The following GRIA1 variants were observed in gnomAD, a reference collection of about 807,000 sequenced individuals.
The protein encoded by GRIA1 is glutamate receptor 1.
GRIA1 carries 31 observed loss-of-function variants against 99.2 expected under a neutral mutation model. The observed-to-expected ratio is 0.31, with a 90% CI of 0.23 to 0.42. The LOEUF is 0.42. GRIA1 is among the 10% of genes least tolerant of loss of function. The pLI is 1.00. For synonymous variants in GRIA1, 438 were observed against 432.4 expected (o/e 1.01, Z -0.16); for missense variants, 782 against 1,157.5 (o/e 0.68, Z 4.71).
intron 8 of GRIA1, among the ~76,000 whole-genome samples, chr5:153,689,359 T>G (rs1276492314): frequency 2.0e-5 from 3 of 152,214 alleles, no homozygotes; most frequent in Admixed American, 6.5e-5. Flanking sequence ...CAGAATGGCC[T>G]TTTGCTCTCA....
At chr5:153,693,771 T>C (rs1379503922) in intron 8 of GRIA1, among the ~76,000 whole-genome samples, 1 of 152,266 alleles carries the variant, frequency 6.6e-6, no homozygotes, top group Non-Finnish European at 1.5e-5. Flanking sequence ...CTAACTCTGA[T>C]TTACTTTTAG....
intron 2 of GRIA1, chr5:153,557,740 C>A (rs936681914): frequency 1.3e-5 from 2 of 152,122 alleles, no homozygotes; most frequent in African/African-American, 2.4e-5. Flanking sequence ...CATGCATTAG[C>A]CTAGGCCTAC....
chr5:153,601,740 G>C (rs1207504495), intron 2 of GRIA1, among the ~76,000 whole-genome samples: 1 of 152,218 alleles, frequency 6.6e-6, no homozygotes, highest in African/African-American at 2.4e-5. Context: ...ATTTCAGGCA[G>C]GTTCCTTAGA....
chr5:153,690,449 GGT>G, intron 8 of GRIA1, among the ~76,000 whole-genome samples: 1 of 152,028 alleles, frequency 6.6e-6, no homozygotes, highest in Non-Finnish European at 1.5e-5. Flanking sequence ...CTAAAAGGGT[GGT>G]AATACTCTTT....
chr5:153,659,064 C>T (rs1755168960), intron 5 of GRIA1, among the ~76,000 whole-genome samples: 1 of 152,102 alleles, frequency 6.6e-6, no homozygotes, highest in South Asian at 2.1e-4. Flanking sequence ...GGACAACTCT[C>T]CAATCCTCAG....
At chr5:153,576,926 T>TTGGATGGA (rs574916178) in intron 2 of GRIA1, among the ~76,000 whole-genome samples, 208 of 129,552 alleles carry the variant, frequency 1.6e-3, no homozygotes, top group Middle Eastern at 4.1e-3. Context: ...TCAATAAATA[T>TTGGATGGA]TGGATGGATG....
intron 2 of GRIA1, among the ~76,000 whole-genome samples, chr5:153,594,233 T>G (rs976110926): frequency 6.6e-6 from 1 of 152,328 alleles, no homozygotes; most frequent in Middle Eastern, 3.4e-3. Flanking sequence ...AAAGACATTC[T>G]GTAAGCTTTT....
At chr5:153,692,075 T>C (rs1400768193) in intron 8 of GRIA1, among the ~76,000 whole-genome samples, 1 of 152,156 alleles carries the variant, frequency 6.6e-6, no homozygotes, top group African/African-American at 2.4e-5. Context: ...CCTCGCACTT[T>C]CCTCAAGTCA....
Position 153,510,614 on chromosome 5 carries a change from T to C in GRIA1, c.220+16549T>C, listed in dbSNP as rs140656449. On this transcript the variant is annotated intron_variant, in intron 2 of 15. Transcript: ENST00000285900. ...GCTCTGCAAGATACATTTGGAAAAA[T>C]AGGCTGGGTTCAGACTAGAGAAGGC... 2.7e-3 allele frequency among the ~76,000 whole-genome samples: 416 copies of C among 152,178 alleles called. 2 individuals are homozygous for C. Among genetic ancestry groups the C allele is most frequent in the African/African-American group, 9.5e-3 (393 of 41,522 alleles).
chr5:153,511,295 T>TGTATGTAGA (rs1349235765), intron 2 of GRIA1, among the ~76,000 whole-genome samples: 3 of 152,160 alleles, frequency 2.0e-5, no homozygotes, highest in African/African-American at 7.2e-5. Context: ...GCTGAATCAT[T>TGTATGTAGA]GTATGTAGAG....
Position 153,615,572 on chromosome 5 carries a change from C to T in GRIA1, c.221-31356C>T, listed in dbSNP as rs190329055. 4.6e-5 allele frequency among the ~76,000 whole-genome samples: 7 copies of T among 152,236 alleles called. No homozygotes were observed. In the East Asian group the frequency reaches 7.7e-4, roughly 17 times the overall value. On this transcript the variant is annotated intron_variant, in intron 2 of 15. Transcript: ENST00000285900. Reference sequence around the variant, plus strand: ...GGCAGGAGGATCACTTGAGCCCAGGCGGTCGAGGCTGCAGTGAGCTATGAT... The same window carrying T: ...GGCAGGAGGATCACTTGAGCCCAGGTGGTCGAGGCTGCAGTGAGCTATGAT...
intron 12 of GRIA1, among the ~76,000 whole-genome samples, chr5:153,766,529 C>A (rs559044110): frequency 1.3e-5 from 2 of 152,288 alleles, no homozygotes; most frequent in East Asian, 3.9e-4. Context: ...GTATTTGTGG[C>A]AGCCACTTTG....
chr5:153,706,101 G>A, intron 11 of GRIA1, 34 bp downstream of exon 11: 1 of 1,246,738 alleles, frequency 8.0e-7, no homozygotes, highest in South Asian at 1.4e-5. Context: ...TTTGCCTAAT[G>A]CTATGGTTTT....
intron 7 of GRIA1, among the ~76,000 whole-genome samples, chr5:153,679,078 C>T (rs533907432): frequency 6.6e-6 from 1 of 152,318 alleles, no homozygotes; most frequent in Admixed American, 6.5e-5. Context: ...TTTCCATAGT[C>T]AAAAGAACAA....
intron 2 of GRIA1, among the ~76,000 whole-genome samples, chr5:153,599,295 C>G (rs1764688800): frequency 6.6e-6 from 1 of 152,218 alleles, no homozygotes; most frequent in African/African-American, 2.4e-5. Flanking sequence ...AGAAAGTTTA[C>G]TGAGCATCTT....
intron 2 of GRIA1, among the ~76,000 whole-genome samples, chr5:153,580,775 G>A (rs72802629): frequency 0.05 from 7,664 of 152,246 alleles, 268 homozygotes; most frequent in Non-Finnish European, 0.076. Context: ...TTGGATTCAG[G>A]AAGAGGAGCA....
intron 2 of GRIA1, among the ~76,000 whole-genome samples, chr5:153,638,499 A>G (rs576192147): frequency 1.4e-4 from 22 of 152,202 alleles, no homozygotes; most frequent in Admixed American, 2.6e-4. Context: ...GTAGCTTAGT[A>G]ACGTGGATAG....
At chr5:153,552,523 C>T (rs1297938653) in intron 2 of GRIA1, among the ~76,000 whole-genome samples, 2 of 152,116 alleles carry the variant, frequency 1.3e-5, no homozygotes, top group Admixed American at 6.6e-5. Context: ...ACATCAAAAT[C>T]ACCTATACCC....
At chr5:153,530,268 T>C (rs1325087245) in intron 2 of GRIA1, among the ~76,000 whole-genome samples, 1 of 152,256 alleles carries the variant, frequency 6.6e-6, no homozygotes, top group Non-Finnish European at 1.5e-5. Context: ...AGCACTGTCC[T>C]GCATTTAACT....
Sources: gnomAD v4.1 joint callset for allele counts (sites outside exome capture counted in the v4.1 genomes callset) on GRCh38, gnomAD v4.1.1 for gene constraint, MANE v1.5 for transcripts, NCBI Gene and HGNC (gene_info 2026-07-23, HGNC 2026-07-21) for gene names.